The following SHTN1 variants were observed in gnomAD, a reference collection of about 807,000 sequenced individuals.
SHTN1 encodes the protein shootin 1, also known as shootin-1.
SHTN1 carries 42 observed loss-of-function variants against 83.1 expected under a neutral mutation model. The ratio of observed to expected loss-of-function variants is 0.51; its 90% CI spans 0.39 to 0.65. The LOEUF (loss-of-function observed/expected upper bound fraction) is 0.65. Ranked by LOEUF, SHTN1 falls within the 30% of genes least tolerant of loss-of-function variation. The probability of loss-of-function intolerance (pLI) is 0.00; values close to 1 mark genes in which losing one functional copy is unlikely to be tolerated. For missense variants in SHTN1, 622 were observed against 737.8 expected (o/e 0.84, Z 1.82); for synonymous variants, 224 against 247.7 (o/e 0.90, Z 0.90).
At chr10:117,038,304 A>AT (rs56058010) in intron 2 of SHTN1, among the ~76,000 whole-genome samples, 4,280 of 144,158 alleles carry the variant, frequency 0.03, 187 homozygotes, top group African/African-American at 0.1. Context: ...ATACCCAGCT[A>AT]TTTTTTTTTT....
chr10:117,067,120 A>G (rs1383247748), intron 1 of SHTN1, among the ~76,000 whole-genome samples: 2 of 152,064 alleles, frequency 1.3e-5, no homozygotes, highest in Non-Finnish European at 1.5e-5. Flanking sequence ...AAGAGTGTGG[A>G]ACATTTAAGG....
intron 12 of SHTN1, among the ~76,000 whole-genome samples, chr10:116,916,764 T>C (rs1026135893): frequency 5.9e-5 from 9 of 152,198 alleles, no homozygotes; most frequent in Admixed American, 3.9e-4. Context: ...AGGTTTCCAT[T>C]ACCCTCATCT....
chr10:116,974,165 T>C, intron 2 of SHTN1: 1 of 1,034,700 alleles, frequency 9.7e-7, no homozygotes. Context: ...CTAGGTATTG[T>C]GTGTTAGATG....
chr10:117,018,563 T>C (rs1471985458), intron 2 of SHTN1, among the ~76,000 whole-genome samples: 2 of 126,442 alleles, frequency 1.6e-5, no homozygotes, highest in Non-Finnish European at 3.4e-5. Context: ...ATGTCTGCTC[T>C]CACCATTTTT....
intron 2 of SHTN1, among the ~76,000 whole-genome samples, chr10:117,019,507 G>T (rs191128917): frequency 5.9e-5 from 9 of 152,114 alleles, no homozygotes; most frequent in African/African-American, 2.2e-4. Context: ...AAAAAAAATA[G>T]CTTTAACACA....
At position 116,911,529 on chromosome 10, in the gene SHTN1, T is replaced by C. The variant is rs74159005; in HGVS notation, c.1359+261A>G. On this transcript the variant is annotated intron_variant, in intron 14 of 16. Transcript: ENST00000355371. ...TCATCTTCAAGCTGTGATGCCAGGA[T>C]TGGAGGGCAAGAACAGGAAACAATG... is the stretch of plus-strand genomic sequence containing the variant. 21,263 of 1,550,456 alleles carry C rather than the reference T, an allele frequency of 0.014. 1,592 individuals are homozygous for C. In the African/African-American group the frequency reaches 0.2, roughly 15 times the overall value.
chr10:116,896,562 TATGTCCAAAA>T (rs1254142601), intron 16 of SHTN1, among the ~76,000 whole-genome samples: 1 of 152,210 alleles, frequency 6.6e-6, no homozygotes, highest in Non-Finnish European at 1.5e-5. Flanking sequence ...AACTGATAGC[TATGTCCAAAA>T]ATTGAATCCA....
At chr10:116,925,406 C>T (rs1260802244) in intron 11 of SHTN1, among the ~76,000 whole-genome samples, 1 of 152,178 alleles carries the variant, frequency 6.6e-6, no homozygotes, top group Non-Finnish European at 1.5e-5. Flanking sequence ...CTTCCTGGGT[C>T]TTGAGCCTGT....
intron 2 of SHTN1, among the ~76,000 whole-genome samples, chr10:117,036,298 G>GA (rs1172877436): frequency 6.6e-6 from 1 of 151,934 alleles, no homozygotes; most frequent in East Asian, 1.9e-4. Flanking sequence ...ATACCCAAAA[G>GA]AAAAAAAATC....
intron 1 of SHTN1, among the ~76,000 whole-genome samples, chr10:117,086,751 G>T (rs951966266): frequency 4.6e-5 from 7 of 152,152 alleles, no homozygotes; most frequent in African/African-American, 1.2e-4. Flanking sequence ...CCATTCCTAG[G>T]TGTATACCCG....
intron 7 of SHTN1, among the ~76,000 whole-genome samples, chr10:116,946,615 A>AT (rs1849601830): frequency 1.7e-4 from 16 of 96,518 alleles, no homozygotes; most frequent in East Asian, 6.9e-4. Context: ...ATTTATATAT[A>AT]AATATATAAA....
rs1256531070 is a variant in SHTN1 at position 117,065,774 on chromosome 10, A to G, written c.-188-17264T>C. Among the ~76,000 whole-genome samples, 4 of 26,996 alleles carry G rather than the reference A, an allele frequency of 1.5e-4. No individual in the cohort carries two copies. The South Asian group carries it at 4.2e-3, about 28-fold the overall frequency. The allele number at this position is 26,996 out of a possible 152,430, so 17.7% of individuals were successfully genotyped here. On this transcript the variant is annotated intron_variant, in intron 1 of 17. Coordinates refer to the SHTN1 transcript ENST00000392901. ...AAAGAAAGAAAGAAAGAAAGAAAGAAAGAAAGAAAGGAAGGAAGGAAGGAA... is the reference window on the plus strand; with the variant it reads ...AAAGAAAGAAAGAAAGAAAGAAAGAGAGAAAGAAAGGAAGGAAGGAAGGAA...
chr10:117,056,181 A>G (rs1321170509), intron 1 of SHTN1, among the ~76,000 whole-genome samples: 1 of 152,230 alleles, frequency 6.6e-6, no homozygotes, highest in Non-Finnish European at 1.5e-5. Flanking sequence ...TTTTCAAGAA[A>G]GTAAAAGATG....
intron 15 of SHTN1, among the ~76,000 whole-genome samples, chr10:116,903,487 T>C (rs1413293788): frequency 6.6e-6 from 1 of 151,680 alleles, no homozygotes; most frequent in African/African-American, 2.4e-5. Flanking sequence ...ATCACGCCAC[T>C]GCACTCCAGC....
chr10:117,003,571 G>A (rs1194788452), intron 1 of SHTN1, among the ~76,000 whole-genome samples: 1 of 151,950 alleles, frequency 6.6e-6, no homozygotes, highest in Non-Finnish European at 1.5e-5. Context: ...TCCCAACGGT[G>A]TCTGTGGTTT....
intron 1 of SHTN1, among the ~76,000 whole-genome samples, chr10:117,082,384 C>T (rs1456063457): frequency 1.1e-4 from 17 of 148,078 alleles, no homozygotes; most frequent in Admixed American, 2.0e-4. Flanking sequence ...AGTTTGATTG[C>T]GCTGTGGTCT....
At chr10:117,124,110 C>G (rs1387019253) in intron 1 of SHTN1, among the ~76,000 whole-genome samples, 2 of 150,766 alleles carry the variant, frequency 1.3e-5, no homozygotes, top group African/African-American at 4.9e-5. Context: ...ACTCAGGAGG[C>G]TGAGGTGGGA....
chr10:117,099,044 A>ACACACACC (rs1491497825), intron 1 of SHTN1, among the ~76,000 whole-genome samples: 3 of 149,490 alleles, frequency 2.0e-5, no homozygotes, highest in Admixed American at 6.6e-5. Context: ...ACACACACAC[A>ACACACACC]CCATAAAAAG....
At chr10:116,989,367 T>C (rs1358549703) in intron 1 of SHTN1, among the ~76,000 whole-genome samples, 2 of 152,156 alleles carry the variant, frequency 1.3e-5, no homozygotes, top group Non-Finnish European at 2.9e-5. Context: ...ATTTAGCTAT[T>C]ATATATCCTG....
Sources: gnomAD v4.1 joint callset for allele counts (sites outside exome capture counted in the v4.1 genomes callset) on GRCh38, gnomAD v4.1.1 for gene constraint, MANE v1.5 for transcripts, NCBI Gene and HGNC (gene_info 2026-07-23, HGNC 2026-07-21) for gene names.